SUPT3H: variants seen among roughly 807,000 people sequenced by gnomAD.
The protein encoded by SUPT3H is SPT3 homolog, SAGA and STAGA complex component, also known as transcription initiation protein SPT3 homolog.
A neutral mutation model predicts 44.3 loss-of-function variants in SUPT3H; 44 were observed. The ratio of observed to expected loss-of-function variants is 0.99; its 90% CI spans 0.78 to 1.28. The LOEUF is 1.28. Among genes scored for constraint, SUPT3H ranks in the 50% most tolerant of loss-of-function variants. SUPT3H has a pLI of 0.00. For synonymous variants in SUPT3H, 124 were observed against 125.6 expected (o/e 0.99, Z 0.09); for missense variants, 380 against 387.1 (o/e 0.98, Z 0.15).
chr6:44,856,763 G>T (rs1220723172), intron 10 of SUPT3H, among the ~76,000 whole-genome samples: 1 of 152,146 alleles, frequency 6.6e-6, no homozygotes, highest in Non-Finnish European at 1.5e-5. Context: ...GGTAACACAT[G>T]AACACAAACG....
intron 2 of SUPT3H, among the ~76,000 whole-genome samples, chr6:45,145,367 A>G (rs1805878529): frequency 1.3e-5 from 2 of 152,156 alleles, no homozygotes; most frequent in Admixed American, 1.3e-4. Context: ...AAAGCCAAAT[A>G]TTTAGAGCCA....
intron 2 of SUPT3H, among the ~76,000 whole-genome samples, chr6:45,346,076 ATC>A (rs1288755320): frequency 2.6e-5 from 4 of 152,134 alleles, no homozygotes; most frequent in African/African-American, 9.7e-5. Flanking sequence ...ACTGGCTTTC[ATC>A]CTCCAAATTG....
intron 2 of SUPT3H, among the ~76,000 whole-genome samples, chr6:45,226,417 T>C (rs1167429729): frequency 2.6e-5 from 4 of 152,124 alleles, no homozygotes; most frequent in African/African-American, 9.7e-5. Flanking sequence ...GACTGTGGTA[T>C]TGTGCTGTGC....
chr6:45,112,186 G>A (rs1800164711), intron 2 of SUPT3H, among the ~76,000 whole-genome samples: 1 of 152,138 alleles, frequency 6.6e-6, no homozygotes, highest in South Asian at 2.1e-4. Flanking sequence ...CTTAAAGACT[G>A]TCTTCAAGAA....
chr6:45,099,058 T>C, intron 3 of SUPT3H: 2 of 377,996 alleles, frequency 5.3e-6, no homozygotes, highest in Non-Finnish European at 1.1e-5. Flanking sequence ...TACTTCAACC[T>C]GCCCCAACAT....
chr6:45,344,484 TATCCAGTGG>T (rs1396155516), intron 2 of SUPT3H, among the ~76,000 whole-genome samples: 1 of 152,058 alleles, frequency 6.6e-6, no homozygotes, highest in Non-Finnish European at 1.5e-5. Context: ...AGATTCTAAA[TATCCAGTGG>T]AGAGCCCATA....
chr6:45,201,463 C>T (rs1161766650), intron 2 of SUPT3H, among the ~76,000 whole-genome samples: 1 of 151,638 alleles, frequency 6.6e-6, no homozygotes, highest in East Asian at 1.9e-4. Context: ...ATTCCATATT[C>T]CCATTTTTAA....
At chr6:44,913,144 T>C (rs10948183) in intron 10 of SUPT3H, among the ~76,000 whole-genome samples, 69,437 of 151,970 alleles carry the variant, frequency 0.46, 16,354 homozygotes, top group Admixed American at 0.55. Context: ...TCTTCTCCCT[T>C]TCTTCCCAAG....
intron 2 of SUPT3H, among the ~76,000 whole-genome samples, chr6:45,193,169 T>C (rs1258587786): frequency 6.6e-6 from 1 of 152,130 alleles, no homozygotes; most frequent in Non-Finnish European, 1.5e-5. Context: ...TAGGAATAAA[T>C]GTTCTTTGAA....
At chr6:45,116,992 A>G (rs1423290419) in intron 2 of SUPT3H, among the ~76,000 whole-genome samples, 2 of 152,124 alleles carry the variant, frequency 1.3e-5, no homozygotes, top group Non-Finnish European at 2.9e-5. Flanking sequence ...TTTTGGTCTC[A>G]ATGTAAATAG....
intron 2 of SUPT3H, among the ~76,000 whole-genome samples, chr6:45,123,388 TC>T (rs1273965237): frequency 6.6e-6 from 1 of 151,082 alleles, no homozygotes; most frequent in Non-Finnish European, 1.5e-5. Context: ...TTTTTTTTTT[TC>T]CCCAGATAGG....
At chr6:44,881,348 T>C (rs1188365323) in intron 10 of SUPT3H, among the ~76,000 whole-genome samples, 3 of 152,148 alleles carry the variant, frequency 2.0e-5, no homozygotes, top group Non-Finnish European at 4.4e-5. Context: ...CTATCCTAAA[T>C]ATATATGCAC....
rs1584495160 is a variant in SUPT3H at position 45,250,671 on chromosome 6, A to T, written c.101+114530T>A. ...CAAAAAAATTTCCAAGAACTGAAAG[A>T]TAACTATATCTAGCAAATTGATGGA... On this transcript the variant is annotated intron_variant, in intron 2 of 10. Transcript: ENST00000371459. 2.6e-5 allele frequency among the ~76,000 whole-genome samples: 4 copies of T among 152,156 alleles called. No individual in the cohort carries two copies. The East Asian group carries it at 5.8e-4, about 22-fold the overall frequency.
chr6:44,813,144 C>T (rs1299613942), intron 11 of SUPT3H, among the ~76,000 whole-genome samples: 1 of 152,070 alleles, frequency 6.6e-6, no homozygotes, highest in Non-Finnish European at 1.5e-5. Flanking sequence ...CAACTGTACC[C>T]CATCTGCCTG....
At chr6:45,312,727 GGTCAACAAGACA>G (rs1350390530) in intron 2 of SUPT3H, among the ~76,000 whole-genome samples, 2 of 149,436 alleles carry the variant, frequency 1.3e-5, no homozygotes, top group Admixed American at 1.3e-4. Context: ...GCACTAGACA[GGTCAACAAGACA>G]GTCAACAAAG....
chr6:45,166,065 G>A (rs962860998), intron 2 of SUPT3H, among the ~76,000 whole-genome samples: 5 of 152,206 alleles, frequency 3.3e-5, no homozygotes, highest in African/African-American at 9.7e-5. Context: ...AGCCAAGGCA[G>A]GAGAATCACT....
At chr6:45,069,413 T>C (rs1187073109) in intron 3 of SUPT3H, among the ~76,000 whole-genome samples, 1 of 152,186 alleles carries the variant, frequency 6.6e-6, no homozygotes, top group Non-Finnish European at 1.5e-5. Flanking sequence ...TCTAATTTTA[T>C]AGTTGTAAGA....
chr6:44,809,430 C>G (rs374282728), exon 12 of SUPT3H: 1 of 152,196 alleles, frequency 6.6e-6, no homozygotes, highest in African/African-American at 2.4e-5. Context: ...GTTTTGAGAG[C>G]AGGTCTGTCA....
chr6:44,982,796 G>A (rs1221885720), intron 6 of SUPT3H, among the ~76,000 whole-genome samples: 1 of 152,086 alleles, frequency 6.6e-6, no homozygotes, highest in Non-Finnish European at 1.5e-5. Flanking sequence ...TCATAACAGA[G>A]AATGGAAAAA....
Sources: gnomAD v4.1 joint callset for allele counts (sites outside exome capture counted in the v4.1 genomes callset) on GRCh38, gnomAD v4.1.1 for gene constraint, MANE v1.5 for transcripts, NCBI Gene and HGNC (gene_info 2026-07-23, HGNC 2026-07-21) for gene names.